HLCS: variants seen among roughly 807,000 people sequenced by gnomAD.
The protein encoded by HLCS is holocarboxylase synthetase.
HLCS carries 53 observed loss-of-function variants against 75.0 expected under a neutral mutation model. The observed-to-expected ratio is 0.71, with a 90% CI of 0.57 to 0.89. HLCS has a LOEUF of 0.89. Ranked by LOEUF, HLCS falls within the 40% of genes least tolerant of loss-of-function variation. The pLI, the probability that HLCS is intolerant of heterozygous loss-of-function variation, is 0.00. For missense variants in HLCS, 966 were observed against 1,074.0 expected (o/e 0.90, Z 1.41); for synonymous variants, 431 against 428.6 (o/e 1.01, Z -0.07).
intron 5 of HLCS, among the ~76,000 whole-genome samples, chr21:36,897,357 A>G (rs1420956155): frequency 6.6e-6 from 1 of 152,226 alleles, no homozygotes; most frequent in African/African-American, 2.4e-5. Context: ...GGATCCAAGA[A>G]AATCAGTTCA....
chr21:36,961,447 G>A (rs1343399667), intron 2 of HLCS, among the ~76,000 whole-genome samples: 1 of 152,130 alleles, frequency 6.6e-6, no homozygotes, highest in South Asian at 2.1e-4. Flanking sequence ...CTGGAGCCCT[G>A]AGTTTGAGGC....
At chr21:36,924,815 T>G (rs2146466501) in intron 5 of HLCS, among the ~76,000 whole-genome samples, 1 of 152,312 alleles carries the variant, frequency 6.6e-6, no homozygotes, top group East Asian at 1.9e-4. Flanking sequence ...CACAGATGTT[T>G]GCTACATGAA....
intron 6 of HLCS, among the ~76,000 whole-genome samples, chr21:36,791,385 G>C (rs766697946): frequency 5.9e-5 from 9 of 152,170 alleles, no homozygotes; most frequent in Non-Finnish European, 1.0e-4. Flanking sequence ...CCAAGTTCCT[G>C]CTGGGTCGGC....
intron 5 of HLCS, among the ~76,000 whole-genome samples, chr21:36,904,592 T>C (rs918424625): frequency 1.3e-5 from 2 of 152,184 alleles, no homozygotes; most frequent in African/African-American, 4.8e-5. Flanking sequence ...TATAGTCAAA[T>C]ACATTTTAAG....
intron 6 of HLCS, among the ~76,000 whole-genome samples, chr21:36,856,006 C>T (rs2063179469): frequency 6.6e-6 from 1 of 152,034 alleles, no homozygotes; most frequent in African/African-American, 2.4e-5. Context: ...TATGAAATGT[C>T]CAGAACAGGC....
chr21:36,810,656 G>A (rs201908626), intron 6 of HLCS, among the ~76,000 whole-genome samples: 7,631 of 152,266 alleles, frequency 0.05, 311 homozygotes, highest in South Asian at 0.18. Flanking sequence ...ATGGAGGTGG[G>A]AGGATCTGTC....
chr21:36,888,810 G>C (rs143446946), intron 6 of HLCS, among the ~76,000 whole-genome samples: 1 of 152,098 alleles, frequency 6.6e-6, no homozygotes, highest in African/African-American at 2.4e-5. Context: ...CAGAGCTAGT[G>C]AATGACAAAG....
intron 6 of HLCS, among the ~76,000 whole-genome samples, chr21:36,785,098 C>T (rs184865500): frequency 6.6e-6 from 1 of 152,094 alleles, no homozygotes; most frequent in Non-Finnish European, 1.5e-5. Flanking sequence ...CCCTGCCCTG[C>T]CAGCTGGCCT....
At chr21:36,868,659 A>T (rs988420525) in intron 6 of HLCS, among the ~76,000 whole-genome samples, 11 of 146,024 alleles carry the variant, frequency 7.5e-5, no homozygotes, top group East Asian at 3.9e-4. Flanking sequence ...AAATAGTCAT[A>T]AAAAAAAAAG....
chr21:36,900,486 G>A (rs767338689), intron 5 of HLCS, among the ~76,000 whole-genome samples: 16 of 152,142 alleles, frequency 1.1e-4, no homozygotes, highest in Non-Finnish European at 1.9e-4. Context: ...GAGAGCCACC[G>A]TCCACATCGC....
At chr21:36,891,618 A>G (rs2064789892) in intron 6 of HLCS, among the ~76,000 whole-genome samples, 1 of 152,162 alleles carries the variant, frequency 6.6e-6, no homozygotes, top group African/African-American at 2.4e-5. Flanking sequence ...TGGGAGGTAG[A>G]CCTGGTGTCT....
At chr21:36,840,253 A>C (rs2062569295) in intron 6 of HLCS, among the ~76,000 whole-genome samples, 1 of 152,232 alleles carries the variant, frequency 6.6e-6, no homozygotes, top group Non-Finnish European at 1.5e-5. Context: ...TCCTAAATAC[A>C]AAAATAACCT....
chr21:36,755,766 C>T (rs548184449), intron 10 of HLCS, among the ~76,000 whole-genome samples: 70 of 152,324 alleles, frequency 4.6e-4, no homozygotes, highest in Middle Eastern at 3.4e-3. Flanking sequence ...GAGCGGTCCT[C>T]GGACTTCAGC....
chr21:36,904,372 G>C (rs1601691086), intron 5 of HLCS, among the ~76,000 whole-genome samples: 1 of 152,098 alleles, frequency 6.6e-6, no homozygotes, highest in African/African-American at 2.4e-5. Flanking sequence ...GCAATACTTA[G>C]ACACGTACAA....
In HLCS at chr21:36,754,120, A is replaced by C; in HGVS notation, c.*126T>G. ...ACAAAACAAACCTAAAAACAAACAG[A>C]AACACAGAAAAAGAACAAAGACTTA... On this transcript the variant is annotated 3_prime_UTR_variant, in exon 11 of 11. Transcript: ENST00000674895. 1 of 1,049,024 alleles carries C rather than the reference A, an allele frequency of 9.5e-7. No homozygotes were observed. The highest frequency in any genetic ancestry group is 1.4e-6 in the Non-Finnish European group (1 of 708,340). The allele number at this position is 1,049,024 out of a possible 1,614,324, so 65.0% of individuals were successfully genotyped here. A position where few individuals can be genotyped will look rare whatever the true frequency, so the allele number is the denominator to read the frequency against.
intron 5 of HLCS, among the ~76,000 whole-genome samples, chr21:36,901,445 T>G (rs1412591013): frequency 6.6e-6 from 1 of 152,132 alleles, no homozygotes; most frequent in Non-Finnish European, 1.5e-5. Context: ...GGATGCAAAG[T>G]AGGGCTGCTG....
At chr21:36,762,052 C>G (rs1325895067) in intron 8 of HLCS, among the ~76,000 whole-genome samples, 1 of 152,222 alleles carries the variant, frequency 6.6e-6, no homozygotes, top group African/African-American at 2.4e-5. Flanking sequence ...GGACTGTGTG[C>G]TCATTTTTCA....
At chr21:36,968,956 G>A (rs924077160), upstream of HLCS, 9 of 152,114 alleles carry the variant, frequency 5.9e-5, no homozygotes, top group East Asian at 1.7e-3. Context: ...TAGGTGTTTC[G>A]AGATATGGTC....
intron 5 of HLCS, among the ~76,000 whole-genome samples, chr21:36,924,424 G>C (rs1601758369): frequency 2.0e-5 from 3 of 152,268 alleles, no homozygotes; most frequent in Admixed American, 2.0e-4. Flanking sequence ...GCCAGGCATG[G>C]TGATGGGCAC....
Sources: allele counts gnomAD v4.1 joint callset (sites outside exome capture counted in the v4.1 genomes callset), GRCh38; gene constraint gnomAD v4.1.1; transcripts MANE v1.5; gene names NCBI Gene and HGNC (gene_info 2026-07-23, HGNC 2026-07-21).